Variants in COG5 observed in about 807,000 individuals in gnomAD.
The protein encoded by COG5 is conserved oligomeric Golgi complex subunit 5.
In COG5, 86 loss-of-function variants were observed where a neutral mutation model predicts 110.4. The observed-to-expected ratio is 0.78, with a 90% confidence interval of 0.65 to 0.93. COG5 has a LOEUF of 0.93. Among genes scored for constraint, COG5 ranks in the 40% least tolerant of loss-of-function variants. The probability of loss-of-function intolerance (pLI) is 0.00; values close to 1 mark genes in which losing one functional copy is unlikely to be tolerated. For synonymous variants in COG5, 360 were observed against 334.6 expected (o/e 1.08, Z -0.83); for missense variants, 1,077 against 987.0 (o/e 1.09, Z -1.22).
At chr7:107,500,941 T>C (rs1380632359) in intron 6 of COG5, among the ~76,000 whole-genome samples, 1 of 152,172 alleles carries the variant, frequency 6.6e-6, no homozygotes, top group Non-Finnish European at 1.5e-5. Flanking sequence ...TCAACCATTC[T>C]AACAGCCTTT....
intron 14 of COG5, among the ~76,000 whole-genome samples, chr7:107,276,235 C>G (rs1325917832): frequency 6.6e-6 from 1 of 152,122 alleles, no homozygotes; most frequent in Non-Finnish European, 1.5e-5. Context: ...AAAAGGGATA[C>G]TTATTAATAT....
chr7:107,475,501 G>T, intron 6 of COG5: 2 of 558,382 alleles, frequency 3.6e-6, no homozygotes, highest in South Asian at 2.9e-5. Flanking sequence ...ATGTCAATTA[G>T]ATAGGTCATA....
intron 8 of COG5, among the ~76,000 whole-genome samples, chr7:107,365,537 A>G (rs1813525185): frequency 7.2e-6 from 1 of 138,896 alleles, no homozygotes; most frequent in Non-Finnish European, 1.5e-5. Context: ...GGATTCTTTG[A>G]TTACAGCTGA....
chr7:107,207,067 G>T (rs1167990552), intron 21 of COG5, among the ~76,000 whole-genome samples: 1 of 152,182 alleles, frequency 6.6e-6, no homozygotes, highest in African/African-American at 2.4e-5. Context: ...TAGCCAAGTG[G>T]AAGTTTTCAT....
intron 14 of COG5, among the ~76,000 whole-genome samples, chr7:107,275,676 A>G (rs112665932): frequency 0.14 from 20,551 of 151,850 alleles, 1,729 homozygotes; most frequent in Non-Finnish European, 0.19. Context: ...CTGGCGCGCC[A>G]CCACACCTGA....
chr7:107,458,508 G>C (rs1348361112), intron 6 of COG5, among the ~76,000 whole-genome samples: 7 of 152,122 alleles, frequency 4.6e-5, no homozygotes, highest in African/African-American at 1.7e-4. Flanking sequence ...GACTGTGTGA[G>C]TTAAGCATGT....
chr7:107,522,143 G>C (rs926616592), intron 6 of COG5, among the ~76,000 whole-genome samples: 1 of 152,094 alleles, frequency 6.6e-6, no homozygotes, highest in Non-Finnish European at 1.5e-5. Flanking sequence ...AGGGGAGAGA[G>C]AGCATTAGGA....
intron 6 of COG5, among the ~76,000 whole-genome samples, chr7:107,523,207 A>G (rs1011129394): frequency 2.0e-5 from 3 of 152,152 alleles, no homozygotes; most frequent in African/African-American, 7.2e-5. Flanking sequence ...TGTAGTTTTC[A>G]GTGTACAGGT....
intron 10 of COG5, among the ~76,000 whole-genome samples, chr7:107,351,244 C>G (rs1222224495): frequency 3.3e-5 from 5 of 152,164 alleles, no homozygotes; most frequent in Admixed American, 3.3e-4. Flanking sequence ...GCTGGGAAAA[C>G]TGGCTAGCCA....
At chr7:107,273,664 G>C (rs1345975499) in intron 14 of COG5, among the ~76,000 whole-genome samples, 2 of 152,102 alleles carry the variant, frequency 1.3e-5, no homozygotes, top group Non-Finnish European at 2.9e-5. Flanking sequence ...TGATAACATG[G>C]TAAGTAAAAA....
At chr7:107,311,508 C>G (rs1305232802) in intron 11 of COG5, among the ~76,000 whole-genome samples, 1 of 148,968 alleles carries the variant, frequency 6.7e-6, no homozygotes, top group Non-Finnish European at 1.5e-5. Flanking sequence ...ATTCTCCTGC[C>G]TCAGCCTCCC....
chr7:107,252,977 A>G (rs1004646231), intron 16 of COG5: 3 of 152,192 alleles, frequency 2.0e-5, no homozygotes, highest in African/African-American at 4.8e-5. Context: ...AGCTAATACT[A>G]TACTTACAAT....
intron 10 of COG5, among the ~76,000 whole-genome samples, chr7:107,334,515 G>A (rs1369802655): frequency 6.6e-6 from 1 of 151,948 alleles, no homozygotes; most frequent in Non-Finnish European, 1.5e-5. Context: ...AGGCCAAGGA[G>A]AAAGAGAAGA....
intron 6 of COG5, among the ~76,000 whole-genome samples, chr7:107,470,745 A>G (rs1324941236): frequency 6.6e-6 from 1 of 152,074 alleles, no homozygotes; most frequent in African/African-American, 2.4e-5. Context: ...TGTTTCAAAA[A>G]TGCTTCTGTT....
At chr7:107,361,846 C>G (rs1343180074) in intron 10 of COG5, among the ~76,000 whole-genome samples, 187 bp downstream of exon 10, 3 of 152,216 alleles carry the variant, frequency 2.0e-5, no homozygotes, top group Non-Finnish European at 4.4e-5. Context: ...AGGCGTGACC[C>G]ACCACGCCCA....
At chr7:107,360,260 G>A (rs182514861) in intron 10 of COG5, among the ~76,000 whole-genome samples, 34 of 152,278 alleles carry the variant, frequency 2.2e-4, no homozygotes, top group Non-Finnish European at 4.0e-4. Flanking sequence ...TTGTGGGGAC[G>A]ATCTGCTTGC....
At chr7:107,407,327 A>G (rs1791924552) in intron 7 of COG5, among the ~76,000 whole-genome samples, 2 of 152,198 alleles carry the variant, frequency 1.3e-5, no homozygotes, top group South Asian at 4.1e-4. Flanking sequence ...GGTTTCAGTG[A>G]GCCGAGATCG....
chr7:107,520,319 T>G (rs915250637), intron 6 of COG5, among the ~76,000 whole-genome samples: 4 of 152,066 alleles, frequency 2.6e-5, no homozygotes, highest in African/African-American at 4.8e-5. Flanking sequence ...CAGAAAGAAA[T>G]AAAGCGTATT....
chr7:107,329,105 T>C (rs1234503452), intron 10 of COG5, among the ~76,000 whole-genome samples: 1 of 152,234 alleles, frequency 6.6e-6, no homozygotes, highest in Admixed American at 6.5e-5. Flanking sequence ...CATTGGCCAA[T>C]TCCTTATTTT....
Sources: gnomAD v4.1 joint callset for allele counts (sites outside exome capture counted in the v4.1 genomes callset) on GRCh38, gnomAD v4.1.1 for gene constraint, MANE v1.5 for transcripts, NCBI Gene and HGNC (gene_info 2026-07-23, HGNC 2026-07-21) for gene names.